Variants in SCN11A observed in about 807,000 individuals in gnomAD.
The protein encoded by SCN11A is sodium channel protein type 11 subunit alpha.
Under a neutral mutation model 162.2 loss-of-function variants are expected in SCN11A, and 122 were observed. The observed-to-expected ratio is 0.75, with a 90% CI of 0.65 to 0.87. SCN11A has a LOEUF of 0.87. SCN11A is among the 40% of genes least tolerant of loss of function. SCN11A has a pLI of 0.00. For synonymous variants in SCN11A, 758 were observed against 751.5 expected (o/e 1.01, Z -0.14); for missense variants, 2,015 against 2,181.6 (o/e 0.92, Z 1.52).
chr3:39,013,220 G>A (rs746890526), intron 2 of SCN11A, among the ~76,000 whole-genome samples: 26 of 152,276 alleles, frequency 1.7e-4, no homozygotes, highest in Non-Finnish European at 3.4e-4. Context: ...ATGATCTTTA[G>A]CAAATTACAT....
intron 2 of SCN11A, among the ~76,000 whole-genome samples, chr3:38,990,384 T>C (rs2030413980): frequency 6.6e-6 from 1 of 152,186 alleles, no homozygotes; most frequent in Non-Finnish European, 1.5e-5. Context: ...AATGCCTCTA[T>C]GTGGGCACAA....
At chr3:39,030,667 G>A (rs1326618222) in intron 2 of SCN11A, among the ~76,000 whole-genome samples, 1 of 152,104 alleles carries the variant, frequency 6.6e-6, no homozygotes, top group Non-Finnish European at 1.5e-5. Context: ...TCCAGCGCAC[G>A]TTTTTAGACT....
chr3:38,938,548 ATATTTTTTTTTTTTT>A lies in SCN11A; in HGVS notation c.488+6848_488+6862del, dbSNP rs1408841625. ...TATATATATATATATATATATATAT[ATATTTTTTTTTTTTT>A]TTTTTTTTTTTTTTTTTTGAGACAG... On this transcript the variant is annotated intron_variant, in intron 7 of 29. Transcript: ENST00000302328. Among the ~76,000 whole-genome samples the A allele has an allele frequency of 1.1e-3, 19 of 16,942 alleles. 1 individual carries two copies. The highest frequency in any genetic ancestry group is 6.2e-3 in the African/African-American group (19 of 3,058). 11.1% of individuals were successfully genotyped at this position (16,942 alleles called of 152,430 possible).
chr3:38,986,626 C>G (rs7639377), intron 2 of SCN11A, among the ~76,000 whole-genome samples: 20,218 of 151,694 alleles, frequency 0.13, 2,530 homozygotes, highest in African/African-American at 0.33. Flanking sequence ...CTCTCTCTCT[C>G]TGTGTGTGTG....
At chr3:38,850,391 G>C in intron 29 of SCN11A, 90 bp downstream of exon 29, 1 of 1,205,754 alleles carries the variant, frequency 8.3e-7, no homozygotes, top group Non-Finnish European at 1.2e-6. Flanking sequence ...TTTCTGCTTT[G>C]TGGATAGTTT....
At chr3:38,923,537 A>T (rs541518682) in intron 9 of SCN11A, among the ~76,000 whole-genome samples, 4 of 152,296 alleles carry the variant, frequency 2.6e-5, no homozygotes, top group African/African-American at 9.6e-5. Flanking sequence ...CAGGTATAAA[A>T]GTCATTTTTG....
chr3:38,856,451 T>C (rs2064870886), intron 28 of SCN11A, among the ~76,000 whole-genome samples: 2 of 152,166 alleles, frequency 1.3e-5, no homozygotes, highest in Admixed American at 6.5e-5. Context: ...GCCAAAACAC[T>C]GGGATAGGAG....
At chr3:39,009,158 G>T (rs1202297483) in intron 2 of SCN11A, among the ~76,000 whole-genome samples, 1 of 152,002 alleles carries the variant, frequency 6.6e-6, no homozygotes, top group African/African-American at 2.4e-5. Flanking sequence ...AAACATTAAA[G>T]AGATTTGAAA....
chr3:38,849,765 A>G (rs527534525), intron 29 of SCN11A: 11 of 152,326 alleles, frequency 7.2e-5, no homozygotes, highest in African/African-American at 2.6e-4. Context: ...TATGGTAATA[A>G]CCTTCTTTCT....
intron 2 of SCN11A, among the ~76,000 whole-genome samples, chr3:38,961,178 C>T (rs79814974): frequency 3.2e-4 from 48 of 152,180 alleles, no homozygotes; most frequent in African/African-American, 1.2e-3. Flanking sequence ...GGTCCTGCCA[C>T]AAGGGGCGCT....
intron 2 of SCN11A, among the ~76,000 whole-genome samples, chr3:38,967,090 T>C (rs958321731): frequency 1.3e-5 from 2 of 152,170 alleles, no homozygotes; most frequent in African/African-American, 4.8e-5. Context: ...AGGAACCACA[T>C]AGAATGTACT....
At position 38,955,165 on chromosome 3, in the gene SCN11A, G is replaced by A. The variant is rs576586197; in HGVS notation, c.-138-1406C>T. ...TAGCTAGGTGTGGTGGCGTGTGCCT[G>A]TAATCCCACCTACTCAGGAGGCTGA... On this transcript the variant is annotated intron_variant, in intron 3 of 29. Coordinates refer to ENST00000302328, the MANE Select transcript of SCN11A (RefSeq NM_001349253.2). 2.6e-5 allele frequency among the ~76,000 whole-genome samples: 4 copies of A among 152,210 alleles called. No individual in the cohort carries two copies. In the South Asian group the frequency reaches 8.3e-4, roughly 32 times the overall value.
At chr3:39,046,844 T>C (rs928002510) in intron 1 of SCN11A, among the ~76,000 whole-genome samples, 2 of 152,080 alleles carry the variant, frequency 1.3e-5, no homozygotes, top group African/African-American at 4.8e-5. Flanking sequence ...CTTTAGCCTC[T>C]TGAGTAGCTA....
At chr3:39,037,582 T>A (rs753320213) in intron 1 of SCN11A, among the ~76,000 whole-genome samples, 2 of 152,034 alleles carry the variant, frequency 1.3e-5, no homozygotes, top group Non-Finnish European at 2.9e-5. Flanking sequence ...TATCAAAGTA[T>A]CTCATGTACC....
chr3:39,051,358 A>G (rs1337429108), intron 1 of SCN11A, among the ~76,000 whole-genome samples: 1 of 152,022 alleles, frequency 6.6e-6, no homozygotes, highest in Non-Finnish European at 1.5e-5. Flanking sequence ...GCTCCCACTT[A>G]TAAGTGAGAA....
At chr3:38,954,327 G>A (rs1217054077) in intron 3 of SCN11A, among the ~76,000 whole-genome samples, 1 of 152,194 alleles carries the variant, frequency 6.6e-6, no homozygotes, top group Non-Finnish European at 1.5e-5. Flanking sequence ...CAGAGCATAA[G>A]TCTTTTGCAG....
At chr3:39,023,608 G>GA (rs1390669196) in intron 2 of SCN11A, among the ~76,000 whole-genome samples, 1 of 150,438 alleles carries the variant, frequency 6.6e-6, no homozygotes, top group Non-Finnish European at 1.5e-5. Flanking sequence ...GGTAGATGAT[G>GA]AAAAATAGAC....
At chr3:39,032,554 C>G (rs758076306) in intron 1 of SCN11A, among the ~76,000 whole-genome samples, 51 bp from the exon 2 acceptor site, 2 of 152,116 alleles carry the variant, frequency 1.3e-5, no homozygotes, top group Non-Finnish European at 2.9e-5. Context: ...TTTCACAAGA[C>G]CTTTTCCAGG....
At chr3:38,965,213 G>A (rs1430656115) in intron 2 of SCN11A, among the ~76,000 whole-genome samples, 4 of 152,162 alleles carry the variant, frequency 2.6e-5, no homozygotes, top group East Asian at 3.9e-4. Context: ...GTTCACTGCC[G>A]TGCCGTGATT....
Sources: allele counts gnomAD v4.1 joint callset (sites outside exome capture counted in the v4.1 genomes callset), GRCh38; gene constraint gnomAD v4.1.1; transcripts MANE v1.5; gene names NCBI Gene and HGNC (gene_info 2026-07-23, HGNC 2026-07-21).